SLCO4C1: variants seen among roughly 807,000 people sequenced by gnomAD.
The protein encoded by SLCO4C1 is solute carrier organic anion transporter family member 4C1.
A neutral mutation model predicts 72.1 loss-of-function variants in SLCO4C1; 58 were observed. The ratio of observed to expected loss-of-function variants is 0.80; its 90% CI spans 0.65 to 1.00. The LOEUF (loss-of-function observed/expected upper bound fraction) is 1.00, where lower values mean the gene tolerates loss of function less well. Among genes scored for constraint, SLCO4C1 ranks in the 50% least tolerant of loss-of-function variants. The pLI is 0.00. For missense variants in SLCO4C1, 898 were observed against 857.9 expected (o/e 1.05, Z -0.58); for synonymous variants, 297 against 312.5 (o/e 0.95, Z 0.52).
At chr5:102,259,721 A>G (rs1278907343) in intron 6 of SLCO4C1, among the ~76,000 whole-genome samples, 1 of 152,160 alleles carries the variant, frequency 6.6e-6, no homozygotes, top group African/African-American at 2.4e-5. Flanking sequence ...TCTTTCACAA[A>G]AGAAAAATAT....
At chr5:102,290,861 G>A (rs1337925070) in intron 2 of SLCO4C1, among the ~76,000 whole-genome samples, 1 of 152,146 alleles carries the variant, frequency 6.6e-6, no homozygotes, top group African/African-American at 2.4e-5. Context: ...ACTGTAGGTT[G>A]CTCTGAAGTT....
chr5:102,259,404 C>T (rs941014905), intron 6 of SLCO4C1, among the ~76,000 whole-genome samples: 1 of 151,950 alleles, frequency 6.6e-6, no homozygotes. Flanking sequence ...GAGAAAATAA[C>T]AGTAGTTGCA....
chr5:102,240,872 C>A, intron 10 of SLCO4C1, 90 bp from the exon 11 acceptor site: 1 of 873,412 alleles, frequency 1.1e-6, no homozygotes, highest in Non-Finnish European at 1.8e-6. Context: ...GTTTAGCATT[C>A]CTATATTAAA....
In SLCO4C1 at chr5:102,236,909, C is replaced by T. The variant is rs1199830625; in HGVS notation, c.2124G>A (p.Val708=). 6.2e-7 allele frequency: 1 copy of T among 1,612,712 alleles called. No individual in the cohort carries two copies. Among genetic ancestry groups the T allele is most frequent in the Admixed American group, 1.7e-5 (1 of 59,912 alleles). Residue 708 remains valine (V), a synonymous_variant, in exon 13 of 13, where the codon GTG becomes GTA. Coordinates refer to ENST00000310954, the MANE Select transcript of SLCO4C1 (RefSeq NM_180991.5). ...DVSFHKENAV[V]TNVLAEQDLN... Reference sequence around the variant, plus strand: ...GATCCTGTTCTGCTAAAACATTAGTCACAACTGCATTCTCTTTATGAAATG... The same window carrying T: ...GATCCTGTTCTGCTAAAACATTAGTTACAACTGCATTCTCTTTATGAAATG...
At chr5:102,276,069 T>C (rs1024046714) in intron 2 of SLCO4C1, among the ~76,000 whole-genome samples, 1 of 152,112 alleles carries the variant, frequency 6.6e-6, no homozygotes, top group East Asian at 1.9e-4. Context: ...TTCTTCCCAA[T>C]ATGCAAACTC....
At chr5:102,261,441 T>C (rs928815763) in intron 5 of SLCO4C1, among the ~76,000 whole-genome samples, 2 of 148,326 alleles carry the variant, frequency 1.3e-5, no homozygotes, top group Non-Finnish European at 3.0e-5. Context: ...AAGAAAATAA[T>C]GTTTAATATT....
At chr5:102,251,627 T>C (rs372575196) in intron 8 of SLCO4C1, among the ~76,000 whole-genome samples, 1 of 151,972 alleles carries the variant, frequency 6.6e-6, no homozygotes, top group African/African-American at 2.4e-5. Flanking sequence ...AGGTGACTCC[T>C]AATATCTAAC....
In SLCO4C1 at chr5:102,294,992, T is replaced by A. The variant is rs841922; in HGVS notation, c.355+916A>T. On this transcript the variant is annotated intron_variant, in intron 1 of 12. Coordinates refer to ENST00000310954, the MANE Select transcript of SLCO4C1 (RefSeq NM_180991.5). ...TCAAGTGACCAAAAAATATCTACAT[T>A]CCAATTCAGCTAAGCTTCGGCATGT... Among the ~76,000 whole-genome samples, 20 of 152,176 alleles carry A rather than the reference T, an allele frequency of 1.3e-4. No individual in the cohort carries two copies. In the South Asian group the frequency reaches 4.1e-3, roughly 32 times the overall value.
At chr5:102,268,440 A>G (rs1191696976) in intron 3 of SLCO4C1, among the ~76,000 whole-genome samples, 1 of 152,246 alleles carries the variant, frequency 6.6e-6, no homozygotes, top group East Asian at 1.9e-4. Context: ...TTGGTTTACA[A>G]TTACAACTAA....
At chr5:102,240,397 A>G (rs1457646654) in intron 11 of SLCO4C1, among the ~76,000 whole-genome samples, 2 of 152,130 alleles carry the variant, frequency 1.3e-5, no homozygotes, top group Admixed American at 1.3e-4. Context: ...GTGTAACACA[A>G]TAGTGTCACG....
intron 2 of SLCO4C1, 87 bp downstream of exon 2, chr5:102,291,254 CTG>C: frequency 7.4e-7 from 1 of 1,350,732 alleles, no homozygotes; most frequent in Non-Finnish European, 1.0e-6. Flanking sequence ...CCTTACCATA[CTG>C]TGTAAGTGAA....
intron 2 of SLCO4C1, among the ~76,000 whole-genome samples, chr5:102,277,409 A>G (rs970910220): frequency 6.6e-6 from 1 of 152,096 alleles, no homozygotes; most frequent in African/African-American, 2.4e-5. Context: ...AGCTCTATGT[A>G]GCAACAGAAG....
chr5:102,257,087 A>G (rs1748849086), intron 8 of SLCO4C1, 28 bp downstream of exon 8: 1 of 1,445,078 alleles, frequency 6.9e-7, no homozygotes, highest in African/African-American at 1.5e-5. Context: ...TCTGGTATTA[A>G]TATCAAAAAG....
intron 3 of SLCO4C1, among the ~76,000 whole-genome samples, chr5:102,268,340 TA>T (rs1453198242): frequency 6.6e-6 from 1 of 152,186 alleles, no homozygotes. Context: ...GGTGAATTTG[TA>T]ATTGTAAAAT....
chr5:102,261,996 C>A lies in SLCO4C1; in HGVS notation c.937G>T (p.Ala313Ser). ...GATAGAAGAAACCCAATCCACCAAG[C>A]TCCCAACCATCGCGGATCATCCTCA... ...VTEDDPRWLG[A>S]WWIGFLLSWI... The change falls in exon 5 of 13, where the codon GCT (alanine) becomes TCT (serine). Residue 313 changes from alanine (A) to serine (S), a missense_variant. Ala to Ser is a moderately conservative substitution (Grantham distance 99). Transcript: ENST00000310954. 6.2e-7 allele frequency: 1 copy of A among 1,613,062 alleles called. No homozygotes were observed. The highest frequency in any genetic ancestry group is 8.5e-7 in the Non-Finnish European group (1 of 1,179,400).
chr5:102,288,014 C>G (rs963031346), intron 2 of SLCO4C1, among the ~76,000 whole-genome samples: 1 of 152,042 alleles, frequency 6.6e-6, no homozygotes, highest in Non-Finnish European at 1.5e-5. Flanking sequence ...GAAAAAAATG[C>G]AAAAATTCAA....
At chr5:102,249,400 A>G (rs1165622130) in intron 9 of SLCO4C1, among the ~76,000 whole-genome samples, 4 of 152,192 alleles carry the variant, frequency 2.6e-5, no homozygotes, top group Non-Finnish European at 5.9e-5. Context: ...AAGATATTTC[A>G]TAACTGCAAC....
At chr5:102,243,674 T>A (rs1015640255) in intron 10 of SLCO4C1, among the ~76,000 whole-genome samples, 2 of 152,138 alleles carry the variant, frequency 1.3e-5, no homozygotes, top group Non-Finnish European at 2.9e-5. Context: ...AACTCTTAAA[T>A]ACCTAGATGC....
chr5:102,236,799 G>C lies in SLCO4C1; in HGVS notation c.*59C>G. On this transcript the variant is annotated 3_prime_UTR_variant, in exon 13 of 13. Transcript: ENST00000310954. ...ATAGATAATCCTGCCATGGCAATGT[G>C]TGTTCTTAAAAATCGAGGTAAATTT... is the stretch of plus-strand genomic sequence containing the variant. 6.6e-7 allele frequency: 1 copy of C among 1,513,826 alleles called. No homozygotes were observed. Among genetic ancestry groups the C allele is most frequent in the Non-Finnish European group, 9.1e-7 (1 of 1,103,652 alleles). 93.8% of individuals were successfully genotyped at this position (1,513,826 alleles called of 1,614,324 possible).
Sources: gnomAD v4.1 joint callset for allele counts (sites outside exome capture counted in the v4.1 genomes callset) on GRCh38, gnomAD v4.1.1 for gene constraint, MANE v1.5 for transcripts, NCBI Gene and HGNC (gene_info 2026-07-23, HGNC 2026-07-21) for gene names.